PRIM2: variants seen among roughly 807,000 people sequenced by gnomAD.
PRIM2 encodes DNA primase subunit 2.
PRIM2 carries 39 observed loss-of-function variants against 67.3 expected under a neutral mutation model. The observed-to-expected ratio is 0.58, with a 90% CI of 0.45 to 0.76. The LOEUF is 0.76. PRIM2 is among the 30% of genes least tolerant of loss of function. PRIM2 has a pLI of 0.00. For synonymous variants in PRIM2, 143 were observed against 198.7 expected, an observed-to-expected ratio of 0.72 and a Z score of 2.36; for missense variants, 398 against 598.7, an observed-to-expected ratio of 0.66 and a Z score of 3.50.
At chr6:57,245,745 G>A in the PRIM2 span, among the ~76,000 whole-genome samples, 2 of 152,230 alleles carry the variant, frequency 1.3e-5, no homozygotes, top group African/African-American at 4.8e-5. Context: ...TATCAGATCA[G>A]GAGTGCCTGC....
At chr6:57,255,831 G>A in the PRIM2 span, among the ~76,000 whole-genome samples, 2 of 152,100 alleles carry the variant, frequency 1.3e-5, no homozygotes, top group African/African-American at 2.4e-5. Flanking sequence ...AAGCCCTTAA[G>A]TATAGGAATG....
At chr6:57,622,416 A>G (rs1258048308) in intron 12 of PRIM2, among the ~76,000 whole-genome samples, 2 of 152,170 alleles carry the variant, frequency 1.3e-5, no homozygotes, top group East Asian at 3.9e-4. Flanking sequence ...CTGTTTCTAC[A>G]GTGTATTTTA....
chr6:57,329,822 T>C (rs1380546349), intron 5 of PRIM2, among the ~76,000 whole-genome samples: 1 of 152,222 alleles, frequency 6.6e-6, no homozygotes, highest in Non-Finnish European at 1.5e-5. Context: ...ATGTAAACAT[T>C]TATTTCAGTA....
chr6:57,394,142 G>A (rs1249693445), intron 7 of PRIM2, among the ~76,000 whole-genome samples: 6 of 151,944 alleles, frequency 3.9e-5, no homozygotes, highest in African/African-American at 4.8e-5. Context: ...TTGGCTATGC[G>A]GGCTCTTTTT....
the PRIM2 span, among the ~76,000 whole-genome samples, chr6:57,256,663 CAT>C: frequency 9.0e-3 from 1,135 of 125,690 alleles, 9 homozygotes; most frequent in African/African-American, 0.013. Flanking sequence ...CACACACACA[CAT>C]GCCATGCAGG....
the PRIM2 span, among the ~76,000 whole-genome samples, chr6:57,285,634 G>C: frequency 1.3e-5 from 2 of 152,076 alleles, no homozygotes; most frequent in Non-Finnish European, 2.9e-5. Context: ...AAAATAATAA[G>C]AGCTATATAT....
the PRIM2 span, among the ~76,000 whole-genome samples, chr6:57,283,512 A>T: frequency 6.6e-6 from 1 of 152,198 alleles, no homozygotes; most frequent in Non-Finnish European, 1.5e-5. Context: ...TAGGTGGCAG[A>T]TACTGAAGAT....
intron 5 of PRIM2, among the ~76,000 whole-genome samples, chr6:57,350,891 A>G (rs1768837356): frequency 1.3e-5 from 2 of 151,936 alleles, no homozygotes; most frequent in Non-Finnish European, 2.9e-5. Flanking sequence ...GTGCTCATGT[A>G]TTTTCCACAT....
At chr6:57,330,348 G>GGTTTTTTTTTTTTTTTTTTT in intron 5 of PRIM2, among the ~76,000 whole-genome samples, 1 of 87,824 alleles carries the variant, frequency 1.1e-5, no homozygotes, top group East Asian at 3.2e-4. Flanking sequence ...TGCTGAACTT[G>GGTTTTTTTTTTTTTTTTTTT]TTTTTTTTTT....
At chr6:57,258,640 T>C in the PRIM2 span, among the ~76,000 whole-genome samples, 291 of 138,830 alleles carry the variant, frequency 2.1e-3, 2 homozygotes, top group African/African-American at 7.5e-3. Context: ...CACCATCTTA[T>C]GCAAAGTTAA....
At chr6:57,324,358 G>C (rs1346015838) in intron 4 of PRIM2, 78 bp downstream of exon 4, 2 of 850,036 alleles carry the variant, frequency 2.4e-6, no homozygotes, top group African/African-American at 1.7e-5. Flanking sequence ...TTGATGTGTT[G>C]TGCTAAACAT....
intron 5 of PRIM2, among the ~76,000 whole-genome samples, chr6:57,341,386 A>G (rs574337952): frequency 6.6e-6 from 1 of 152,304 alleles, no homozygotes; most frequent in East Asian, 1.9e-4. Flanking sequence ...TTCATGGAAG[A>G]TAGAGTAACA....
the PRIM2 span, among the ~76,000 whole-genome samples, chr6:57,270,550 A>G: frequency 1.6e-4 from 25 of 152,144 alleles, 1 homozygote; most frequent in Admixed American, 1.6e-3. Flanking sequence ...GGTTTTCTAG[A>G]TATACAATCA....
chr6:57,261,889 A>G, the PRIM2 span, among the ~76,000 whole-genome samples: 2 of 152,020 alleles, frequency 1.3e-5, no homozygotes, highest in South Asian at 2.1e-4. Context: ...GTTTCCTTCT[A>G]TTGCTGGTCT....
chr6:57,546,821 C>T (rs1400245412), intron 10 of PRIM2, among the ~76,000 whole-genome samples: 2 of 152,046 alleles, frequency 1.3e-5, no homozygotes, highest in Admixed American at 1.3e-4. Flanking sequence ...TATAGCAAAC[C>T]AATTGCTTTT....
At chr6:57,301,763 A>G in the PRIM2 span, among the ~76,000 whole-genome samples, 1 of 152,202 alleles carries the variant, frequency 6.6e-6, no homozygotes, top group Non-Finnish European at 1.5e-5. Flanking sequence ...TTGAGGTTGC[A>G]GTAAGCCAAG....
chr6:57,222,244 G>C, the PRIM2 span: 1 of 152,618 alleles, frequency 6.6e-6, no homozygotes, highest in African/African-American at 2.4e-5. Context: ...CAGCTCCGCC[G>C]GGGGTGGTGG....
intron 7 of PRIM2, among the ~76,000 whole-genome samples, chr6:57,464,107 C>G (rs1773103398): frequency 6.6e-6 from 1 of 152,138 alleles, no homozygotes; most frequent in African/African-American, 2.4e-5. Flanking sequence ...AAGGGCCATT[C>G]CCCTGATCTG....
At chr6:57,291,767 G>T in the PRIM2 span, among the ~76,000 whole-genome samples, 7 of 152,140 alleles carry the variant, frequency 4.6e-5, no homozygotes, top group Admixed American at 4.6e-4. Context: ...CTCAATAGAT[G>T]CAGAAAAGGC....
Sources: gnomAD v4.1 joint callset for allele counts (sites outside exome capture counted in the v4.1 genomes callset) on GRCh38, gnomAD v4.1.1 for gene constraint, MANE v1.5 for transcripts, NCBI Gene and HGNC (gene_info 2026-07-23, HGNC 2026-07-21) for gene names.